Variants in IL6ST observed in about 807,000 individuals in gnomAD.
IL6ST encodes interleukin-6 receptor subunit beta.
In IL6ST, 24 loss-of-function variants were observed where a neutral mutation model predicts 91.3. The observed-to-expected ratio is 0.26, with a 90% CI of 0.19 to 0.37. IL6ST has a LOEUF of 0.37. IL6ST is among the 10% of genes least tolerant of loss of function. The pLI is 1.00. For missense variants in IL6ST, 914 were observed against 1,078.5 expected (o/e 0.85, Z 2.14); for synonymous variants, 351 against 373.6 (o/e 0.94, Z 0.70).
At chr5:55,970,810 G>A (rs1432069066) in intron 3 of IL6ST, among the ~76,000 whole-genome samples, 1 of 152,148 alleles carries the variant, frequency 6.6e-6, no homozygotes, top group Non-Finnish European at 1.5e-5. Context: ...GGGAGGCTGA[G>A]GCATGAGAAT....
chr5:55,992,183 G>C (rs548289412), intron 1 of IL6ST, among the ~76,000 whole-genome samples: 200 of 152,166 alleles, frequency 1.3e-3, no homozygotes, highest in Non-Finnish European at 2.0e-3. Flanking sequence ...ACAGGACTCA[G>C]AACACTGCAC....
chr5:55,978,932 G>A lies in IL6ST; in HGVS notation c.-15-2639C>T, dbSNP rs191661947. On this transcript the variant is annotated intron_variant, in intron 2 of 16. Transcript: ENST00000381298. ...TTAATACCTCCAAAGACATCTACAAGAATGTTTACAGAAGTTTTATTCAAA... is the reference window on the plus strand; with the variant it reads ...TTAATACCTCCAAAGACATCTACAAAAATGTTTACAGAAGTTTTATTCAAA... Among the ~76,000 whole-genome samples, 382 of 152,184 alleles carry A rather than the reference G, an allele frequency of 2.5e-3. 1 individual carries two copies. The highest frequency in any genetic ancestry group is 3.6e-3 in the Non-Finnish European group (246 of 68,000).
rs543631541 is a variant in IL6ST at position 55,991,352 on chromosome 5, G to A, written c.-104+3432C>T. Among the ~76,000 whole-genome samples, 87 of 152,258 alleles carry A rather than the reference G, an allele frequency of 5.7e-4. 1 individual carries two copies. The highest frequency in any genetic ancestry group is 4.4e-3 in the Admixed American group (67 of 15,288). ...CAACTCATCCTCTTCAACTGCCTAAGTCAATGGAGTCCATCGTTTCTCTCA... is the reference window on the plus strand; with the variant it reads ...CAACTCATCCTCTTCAACTGCCTAAATCAATGGAGTCCATCGTTTCTCTCA... On this transcript the variant is annotated intron_variant, in intron 1 of 16. Transcript: ENST00000381298.
At chr5:55,984,139 T>C (rs1274091733) in intron 1 of IL6ST, among the ~76,000 whole-genome samples, 1 of 152,196 alleles carries the variant, frequency 6.6e-6, no homozygotes, top group Non-Finnish European at 1.5e-5. Flanking sequence ...AACTCCGTTA[T>C]TAAAGTGCAA....
rs1266323179 is a variant in IL6ST at position 55,936,903 on chromosome 5, G to A, written c.*4179C>T. ...CTTAGAAGAAAGTGGGACATAGCTA[G>A]GATATAAAAGAAACATACCTAATGC... On this transcript the variant is annotated 3_prime_UTR_variant, in exon 17 of 17. Transcript: ENST00000381298. 5.0e-6 allele frequency: 1 copy of A among 199,536 alleles called. No homozygotes were observed. The highest frequency in any genetic ancestry group is 7.7e-5 in the East Asian group (1 of 12,950). 12.4% of individuals were successfully genotyped at this position (199,536 alleles called of 1,614,324 possible). A position where few individuals can be genotyped will look rare whatever the true frequency, so the allele number is the denominator to read the frequency against.
At position 55,968,204 on chromosome 5, in the gene IL6ST, G is replaced by C. The variant is rs145556163; in HGVS notation, c.491+72C>G. 1.3e-3 allele frequency: 1,625 copies of C among 1,250,190 alleles called. 31 individuals carry two copies. The East Asian group carries it at 0.032, about 25-fold the overall frequency. The allele number at this position is 1,250,190 out of a possible 1,614,324, so 77.4% of individuals were successfully genotyped here. On this transcript the variant is annotated intron_variant, in intron 5 of 16. Transcript: ENST00000381298. ...AAATAGCATTTAATATTATTACTTG[G>C]TAAAATAAAAATTCCAGCAAAAATG...
At chr5:55,969,921 TG>T in intron 3 of IL6ST, 66 bp from the exon 4 acceptor site, 1 of 1,049,640 alleles carries the variant, frequency 9.5e-7, no homozygotes, top group Non-Finnish European at 1.4e-6. Context: ...GATATCTAGC[TG>T]GTAGCACTCA....
At chr5:55,957,962 G>T (rs945951515) in intron 8 of IL6ST, among the ~76,000 whole-genome samples, 1 of 151,904 alleles carries the variant, frequency 6.6e-6, no homozygotes, top group African/African-American at 2.4e-5. Context: ...ATATTCACAA[G>T]AATAATAAAA....
chr5:55,967,401 AAG>A (rs981888954), intron 5 of IL6ST, among the ~76,000 whole-genome samples: 1 of 151,726 alleles, frequency 6.6e-6, no homozygotes, highest in Admixed American at 6.6e-5. Context: ...ACTGAAATGT[AAG>A]AAAAAAGAAC....
At chr5:55,969,471 A>G (rs1435869445) in intron 4 of IL6ST, 79 bp downstream of exon 4, 1 of 954,942 alleles carries the variant, frequency 1.0e-6, no homozygotes, top group East Asian at 2.5e-5. Flanking sequence ...ACTACATTTT[A>G]TAAAGATGAA....
At chr5:55,992,796 A>C (rs747080894) in intron 1 of IL6ST, among the ~76,000 whole-genome samples, 1 of 152,104 alleles carries the variant, frequency 6.6e-6, no homozygotes, top group African/African-American at 2.4e-5. Flanking sequence ...GCTCACTCCA[A>C]TCCTTAAACG....
intron 9 of IL6ST, among the ~76,000 whole-genome samples, chr5:55,956,930 C>A (rs1032840381): frequency 6.6e-6 from 1 of 152,108 alleles, no homozygotes; most frequent in Non-Finnish European, 1.5e-5. Flanking sequence ...GAGGCCGAGG[C>A]AGGCAGAACA....
At chr5:55,990,198 A>G (rs1334120664) in intron 1 of IL6ST, among the ~76,000 whole-genome samples, 1 of 152,130 alleles carries the variant, frequency 6.6e-6, no homozygotes. Flanking sequence ...GCCATTTTTC[A>G]GCCAATGTAG....
rs760625439 is a variant in IL6ST, at chr5:55,941,359, T to G, written c.2480A>C (p.Asp827Ala). The G allele has an allele frequency of 1.9e-6, 3 of 1,614,160 alleles. No individual in the cohort carries two copies. The South Asian group carries it at 3.3e-5, about 18-fold the overall frequency. The stretch of plus-strand genomic sequence containing the variant: ...CTTTGACCTTTCAAAATGTGAAATA[T>G]CTGGACTGGATTCATGCTGACTGCA... Reference protein sequence around the residue: ...QNCSQHESSPDISHFERSKQV... With the variant: ...QNCSQHESSPAISHFERSKQV... Residue 827 changes from aspartate to alanine, a missense_variant, in exon 17 of 17, where the codon GAT becomes GCT. Coordinates refer to ENST00000381298, the MANE Select transcript of IL6ST (RefSeq NM_002184.4).
chr5:55,993,309 C>A (rs1277415908), intron 1 of IL6ST, among the ~76,000 whole-genome samples: 1 of 152,230 alleles, frequency 6.6e-6, no homozygotes, highest in African/African-American at 2.4e-5. Context: ...TGGAGTCACA[C>A]AGATCTAGTT....
chr5:55,954,693 T>C, intron 11 of IL6ST, 117 bp downstream of exon 11: 1 of 664,062 alleles, frequency 1.5e-6, no homozygotes, highest in South Asian at 2.2e-5. Context: ...TAGTAAGTAG[T>C]GAGGCTATGA....
intron 1 of IL6ST, among the ~76,000 whole-genome samples, chr5:55,993,813 A>G (rs1335566812): frequency 3.9e-5 from 6 of 152,228 alleles, no homozygotes; most frequent in African/African-American, 1.4e-4. Flanking sequence ...AGAAATTAAC[A>G]TAATGGCACA....
At chr5:55,946,070 C>T (rs1268996756) in intron 15 of IL6ST, among the ~76,000 whole-genome samples, 1 of 152,032 alleles carries the variant, frequency 6.6e-6, no homozygotes, top group Non-Finnish European at 1.5e-5. Context: ...AACAAAATAA[C>T]CCAATTTGAA....
chr5:55,961,421 G>A (rs567197403), intron 7 of IL6ST, among the ~76,000 whole-genome samples: 6 of 152,252 alleles, frequency 3.9e-5, no homozygotes, highest in Admixed American at 1.3e-4. Flanking sequence ...GAAAGAAGCC[G>A]GTCAGCTAGA....
Sources: gnomAD v4.1 joint callset for allele counts (sites outside exome capture counted in the v4.1 genomes callset) on GRCh38, gnomAD v4.1.1 for gene constraint, MANE v1.5 for transcripts, NCBI Gene and HGNC (gene_info 2026-07-23, HGNC 2026-07-21) for gene names.